The following MINDY4 variants were observed in gnomAD, a reference collection of about 807,000 sequenced individuals.
MINDY4 encodes MINDY lysine 48 deubiquitinase 4.
In MINDY4, 68 loss-of-function variants were observed where a neutral mutation model predicts 87.0. That is an observed-to-expected ratio of 0.78 (90% CI 0.64 to 0.96). The LOEUF is 0.96. MINDY4 is among the 40% of genes least tolerant of loss of function. The pLI is 0.00. For synonymous variants in MINDY4, 379 were observed against 363.2 expected, an observed-to-expected ratio of 1.04 and a Z score of -0.50; for missense variants, 919 against 928.2, an observed-to-expected ratio of 0.99 and a Z score of 0.13.
At chr7:30,792,065 G>A (rs1317778342) in intron 5 of MINDY4, among the ~76,000 whole-genome samples, 2 of 152,124 alleles carry the variant, frequency 1.3e-5, no homozygotes, top group African/African-American at 4.8e-5. Context: ...GTTTCTTGTG[G>A]GAAGCCAGAG....
At chr7:30,865,874 AG>A (rs1321976125) in intron 13 of MINDY4, among the ~76,000 whole-genome samples, 1 of 152,160 alleles carries the variant, frequency 6.6e-6, no homozygotes, top group Admixed American at 6.5e-5. Flanking sequence ...GGACTGTGGG[AG>A]GGGTAACAGG....
intron 13 of MINDY4, among the ~76,000 whole-genome samples, chr7:30,860,430 T>C (rs962763865): frequency 3.3e-5 from 5 of 152,148 alleles, no homozygotes; most frequent in African/African-American, 7.2e-5. Context: ...CATAATGATA[T>C]GATTCATTCC....
At chr7:30,863,151 G>C (rs1248536580) in intron 13 of MINDY4, among the ~76,000 whole-genome samples, 1 of 152,194 alleles carries the variant, frequency 6.6e-6, no homozygotes, top group Non-Finnish European at 1.5e-5. Flanking sequence ...TTCACATTCA[G>C]CTTTGCCAAA....
chr7:30,858,789 A>G (rs1789658229), intron 12 of MINDY4: 2 of 357,402 alleles, frequency 5.6e-6, no homozygotes, highest in African/African-American at 2.1e-5. Flanking sequence ...AGGGATCTGG[A>G]ATTAGAGATC....
At chr7:30,847,301 A>G (rs528761621) in intron 9 of MINDY4, among the ~76,000 whole-genome samples, 31 of 152,352 alleles carry the variant, frequency 2.0e-4, no homozygotes, top group Non-Finnish European at 3.8e-4. Flanking sequence ...CTGGAAGCCA[A>G]TGAAAAGAAT....
At chr7:30,811,122 T>C (rs1341909033) in intron 5 of MINDY4, among the ~76,000 whole-genome samples, 1 of 140,330 alleles carries the variant, frequency 7.1e-6, no homozygotes, top group African/African-American at 2.7e-5. Context: ...CCCTACCTTG[T>C]GCTGCTAACC....
rs191068430 is a variant in MINDY4 at position 30,852,728 on chromosome 7, G to A, written c.1611+449G>A. 8.0e-4 allele frequency among the ~76,000 whole-genome samples: 122 copies of A among 152,280 alleles called. 2 individuals are homozygous for A. The highest frequency in any genetic ancestry group is 2.6e-3 in the African/African-American group (109 of 41,554). On this transcript the variant is annotated intron_variant, in intron 11 of 17. Coordinates refer to ENST00000265299, the MANE Select transcript of MINDY4 (RefSeq NM_032222.3). ...AGCCAGATCTAAGTCATACACAATC[G>A]GGGAAATAATGGAAGACATACATTT...
chr7:30,841,728 T>C (rs931818982), intron 9 of MINDY4, among the ~76,000 whole-genome samples: 1 of 152,186 alleles, frequency 6.6e-6, no homozygotes, highest in African/African-American at 2.4e-5. Flanking sequence ...CGCACACCCA[T>C]GAACACATTG....
intron 5 of MINDY4, among the ~76,000 whole-genome samples, chr7:30,795,544 C>G (rs760045053): frequency 7.9e-5 from 12 of 152,306 alleles, no homozygotes; most frequent in Non-Finnish European, 1.0e-4. Context: ...CACAGGCCAT[C>G]AGGGTCAGGG....
At chr7:30,794,193 C>T (rs1432880070) in intron 5 of MINDY4, among the ~76,000 whole-genome samples, 1 of 152,198 alleles carries the variant, frequency 6.6e-6, no homozygotes, top group African/African-American at 2.4e-5. Flanking sequence ...CATCCCCTGC[C>T]CTTCCCAACT....
At chr7:30,825,475 C>T (rs1009458866) in intron 5 of MINDY4, among the ~76,000 whole-genome samples, 1 of 152,230 alleles carries the variant, frequency 6.6e-6, no homozygotes, top group African/African-American at 2.4e-5. Context: ...TGCCTACCCT[C>T]AGGAGCCAAG....
intron 5 of MINDY4, among the ~76,000 whole-genome samples, chr7:30,801,722 C>T (rs1202540160): frequency 6.6e-6 from 1 of 152,170 alleles, no homozygotes; most frequent in Non-Finnish European, 1.5e-5. Flanking sequence ...TATTATAACC[C>T]CAAGGTACCT....
chr7:30,887,785 G>T (rs1257671869), intron 17 of MINDY4, among the ~76,000 whole-genome samples: 1 of 152,226 alleles, frequency 6.6e-6, no homozygotes, highest in South Asian at 2.1e-4. Context: ...ACGGGGACCC[G>T]CGGGTGGCAG....
chr7:30,786,274 G>A (rs985383362), intron 4 of MINDY4: 6 of 407,286 alleles, frequency 1.5e-5, no homozygotes, highest in African/African-American at 4.0e-5. Flanking sequence ...TACCTACTCA[G>A]CTTTGTCTTT....
At chr7:30,860,350 C>T (rs1789713754) in intron 13 of MINDY4, among the ~76,000 whole-genome samples, 1 of 152,116 alleles carries the variant, frequency 6.6e-6, no homozygotes, top group Non-Finnish European at 1.5e-5. Context: ...GCCAGGCTGC[C>T]TGCTGCTTGC....
rs551180815 is a variant in MINDY4, at chr7:30,865,474, A to G, written c.1745+6150A>G. On this transcript the variant is annotated intron_variant, in intron 13 of 17. Coordinates refer to ENST00000265299, the MANE Select transcript of MINDY4 (RefSeq NM_032222.3). ...ATAGTGGGCCCACCACTGAGACTCC[A>G]CTTCCTTCCACTGACTCTGTCTCTC... Among the ~76,000 whole-genome samples, 19 of 152,252 alleles carry G rather than the reference A, an allele frequency of 1.2e-4. 1 individual carries two copies. The highest frequency in any genetic ancestry group is 3.4e-3 in the Middle Eastern group (1 of 294).
intron 9 of MINDY4, among the ~76,000 whole-genome samples, chr7:30,845,136 G>A (rs150234617): frequency 6.6e-6 from 1 of 152,320 alleles, no homozygotes; most frequent in Non-Finnish European, 1.5e-5. Context: ...GGAAGGCTGA[G>A]GGCTCTGAGT....
chr7:30,798,690 G>A (rs1787564023), intron 5 of MINDY4, among the ~76,000 whole-genome samples: 1 of 152,150 alleles, frequency 6.6e-6, no homozygotes. Context: ...AGTAGAGACG[G>A]GGTTTCACCA....
rs1237791859 is a variant in MINDY4, at chr7:30,876,672, T to G, written c.1971+1016T>G. ...TGCCATGGAACATTTTTCTGAGCAT[T>G]GCTTTCCATGGCTTCAGAGAGTCCA... is the stretch of plus-strand genomic sequence containing the variant. On this transcript the variant is annotated intron_variant, in intron 15 of 17. Transcript: ENST00000265299. 2.6e-5 allele frequency among the ~76,000 whole-genome samples: 4 copies of G among 152,250 alleles called. No homozygotes were observed. In the East Asian group the frequency reaches 7.7e-4, roughly 29 times the overall value.
Sources: gnomAD v4.1 joint callset for allele counts (sites outside exome capture counted in the v4.1 genomes callset) on GRCh38, gnomAD v4.1.1 for gene constraint, MANE v1.5 for transcripts, NCBI Gene and HGNC (gene_info 2026-07-23, HGNC 2026-07-21) for gene names.